Variants in STX19 observed in about 807,000 individuals in gnomAD.
STX19 encodes syntaxin 19.
A neutral mutation model predicts 24.3 loss-of-function variants in STX19; 26 were observed. The observed-to-expected ratio is 1.07, with a 90% CI of 0.78 to 1.48. The LOEUF is 1.48. Ranked by LOEUF, STX19 falls within the 40% of genes most tolerant of loss-of-function variation. The pLI is 0.00. For synonymous variants in STX19, 116 were observed against 106.9 expected, an observed-to-expected ratio of 1.09 and a Z score of -0.52; for missense variants, 367 against 331.9, an observed-to-expected ratio of 1.11 and a Z score of -0.82.
At chr3:94,022,012 TTAAAGACAGTCA>T (rs1247200858) in intron 1 of STX19, among the ~76,000 whole-genome samples, 5 of 152,344 alleles carry the variant, frequency 3.3e-5, no homozygotes, top group Non-Finnish European at 7.4e-5. Context: ...TCTCCATTCC[TTAAAGACAGTCA>T]TAAAGGCAGT....
Position 94,014,642 on chromosome 3 carries a change from A to C in STX19, c.628T>G (p.Ser210Ala). 1.2e-6 allele frequency: 2 copies of C among 1,613,638 alleles called. No individual in the cohort carries two copies. The highest frequency in any genetic ancestry group is 4.5e-5 in the East Asian group (2 of 44,850). ...TCCTTGTGTCTCTGTTCAATCTCTG[A>C]AAGTTGTGCTTTAGTGATATTGATT... The part of the protein sequence containing the change: ...TEINITKAQL[S>A]EIEQRHKELV... The change falls in exon 2 of 2, where the codon TCA becomes GCA. Residue 210 changes from serine (S) to alanine (A), a missense_variant. Transcript: ENST00000315099.
intron 1 of STX19, among the ~76,000 whole-genome samples, 165 bp from the exon 2 acceptor site, chr3:94,015,447 T>G (rs1377100776): frequency 6.6e-6 from 1 of 152,124 alleles, no homozygotes; most frequent in African/African-American, 2.4e-5. Flanking sequence ...TAAAAACCAT[T>G]TAAATAGGGA....
chr3:94,024,807 C>CT (rs1285087288), intron 1 of STX19, among the ~76,000 whole-genome samples: 1 of 152,048 alleles, frequency 6.6e-6, no homozygotes, highest in African/African-American at 2.4e-5. Flanking sequence ...AGGCTGATCT[C>CT]TAACTCCTGG....
intron 1 of STX19, among the ~76,000 whole-genome samples, chr3:94,018,434 C>T (rs1277565241): frequency 5.3e-5 from 8 of 151,880 alleles, no homozygotes; most frequent in Non-Finnish European, 1.0e-4. Flanking sequence ...TTTTTTTTCT[C>T]TTACCTTTTT....
Position 94,015,210 on chromosome 3 carries a change from GTC to G in STX19, c.58_59del (p.Asp20GlnfsTer22). 1 of 1,597,046 alleles carries G rather than the reference GTC, an allele frequency of 6.3e-7. No homozygotes were observed. Among genetic ancestry groups the G allele is most frequent in the Non-Finnish European group, 8.5e-7 (1 of 1,175,588 alleles). On this transcript the variant is annotated frameshift_variant, in exon 2 of 2. Coordinates refer to ENST00000315099, the MANE Select transcript of STX19 (RefSeq NM_001001850.3). LOFTEE classifies it high-confidence loss of function. ...CTGTTTCTGTAGTTGATACATGACT[GTC>G]TCTAGAGAGTTCAATTTCCTTTGTT... ...QRTKEIELSR[D>X]SHVSTTETEE...
At chr3:94,026,913 G>T (rs1268542646) in intron 1 of STX19, among the ~76,000 whole-genome samples, 1 of 152,098 alleles carries the variant, frequency 6.6e-6, no homozygotes, top group Non-Finnish European at 1.5e-5. Context: ...TGGACAACTT[G>T]TTCTGGGAAA....
chr3:94,025,080 G>A (rs1035486391), intron 1 of STX19, among the ~76,000 whole-genome samples: 1 of 152,068 alleles, frequency 6.6e-6, no homozygotes, highest in Non-Finnish European at 1.5e-5. Flanking sequence ...TTGGAAAGCA[G>A]GATATTTGAG....
At chr3:94,016,464 G>A (rs532531583) in intron 1 of STX19, among the ~76,000 whole-genome samples, 52 of 151,966 alleles carry the variant, frequency 3.4e-4, no homozygotes, top group Admixed American at 2.9e-3. Flanking sequence ...GTACAGGGTA[G>A]GGATTCAAAT....
At chr3:94,020,651 A>T (rs1014278425) in intron 1 of STX19, among the ~76,000 whole-genome samples, 3 of 152,180 alleles carry the variant, frequency 2.0e-5, no homozygotes, top group Non-Finnish European at 4.4e-5. Flanking sequence ...TATAGATATT[A>T]AAAGTTTATT....
intron 1 of STX19, among the ~76,000 whole-genome samples, chr3:94,017,141 A>G (rs2076350551): frequency 6.6e-6 from 1 of 152,218 alleles, no homozygotes; most frequent in South Asian, 2.1e-4. Context: ...TAGCATGGAA[A>G]GGATGAGATT....
chr3:94,026,920 G>A (rs1346687105), intron 1 of STX19, among the ~76,000 whole-genome samples: 1 of 152,048 alleles, frequency 6.6e-6, no homozygotes, highest in Non-Finnish European at 1.5e-5. Context: ...CTTGTTCTGG[G>A]AAATAGAAAA....
intron 1 of STX19, among the ~76,000 whole-genome samples, chr3:94,023,162 C>A (rs996944024): frequency 6.6e-6 from 1 of 152,026 alleles, no homozygotes; most frequent in Non-Finnish European, 1.5e-5. Flanking sequence ...ATTTTCATTA[C>A]TGAAAATATT....
chr3:94,024,583 G>C (rs1267362154), intron 1 of STX19, among the ~76,000 whole-genome samples: 1 of 151,958 alleles, frequency 6.6e-6, no homozygotes, highest in Non-Finnish European at 1.5e-5. Flanking sequence ...TTTTTTGGGC[G>C]TGTTGTTTTG....
At chr3:94,027,382 A>G (rs1418376695) in intron 1 of STX19, among the ~76,000 whole-genome samples, 1 of 152,028 alleles carries the variant, frequency 6.6e-6, no homozygotes, top group Non-Finnish European at 1.5e-5. Context: ...GCTTTTTTCT[A>G]CATTTTATTT....
intron 1 of STX19, among the ~76,000 whole-genome samples, chr3:94,025,859 C>G (rs1449495241): frequency 6.6e-6 from 1 of 152,132 alleles, no homozygotes; most frequent in Non-Finnish European, 1.5e-5. Flanking sequence ...TCCTAGTTAA[C>G]TGTTTCATCT....
intron 1 of STX19, among the ~76,000 whole-genome samples, chr3:94,023,684 T>A (rs973112728): frequency 1.3e-5 from 2 of 152,148 alleles, no homozygotes; most frequent in African/African-American, 4.8e-5. Flanking sequence ...TTTAGACATA[T>A]CTACTTGATT....
chr3:94,014,581 C>G lies in STX19; in HGVS notation c.689G>C (p.Arg230Thr). The G allele has an allele frequency of 2.5e-6, 4 of 1,612,350 alleles. No individual in the cohort carries two copies. The highest frequency in any genetic ancestry group is 3.4e-6 in the Non-Finnish European group (4 of 1,179,678). The change falls in exon 2 of 2, where the codon AGG becomes ACG. Residue 230 changes from arginine (R) to threonine (T), a missense_variant. Coordinates refer to ENST00000315099, the MANE Select transcript of STX19 (RefSeq NM_001001850.3). ...VNLENQIKDL[R>T]DLFIQISLLV... ...AAGAGATATCTGAATGAAAAGATCC[C>G]TTAAATCCTTTATTTGGTTCTCCAA...
At chr3:94,025,696 G>A (rs1345539385) in intron 1 of STX19, among the ~76,000 whole-genome samples, 1 of 152,116 alleles carries the variant, frequency 6.6e-6, no homozygotes, top group Non-Finnish European at 1.5e-5. Flanking sequence ...AACGCCCCAT[G>A]GAGTTTGCCC....
chr3:94,014,572 A>G lies in STX19; in HGVS notation c.698T>C (p.Phe233Ser). The change falls in exon 2 of 2, where the codon TTC (phenylalanine) becomes TCC (serine). Residue 233 changes from phenylalanine to serine, a missense_variant. By Grantham distance (155) the Phe-to-Ser change is radical. Coordinates refer to ENST00000315099, the MANE Select transcript of STX19 (RefSeq NM_001001850.3). ...CTCTACTAAAAGAGATATCTGAATG[A>G]AAAGATCCCTTAAATCCTTTATTTG... Reference protein sequence around the residue: ...ENQIKDLRDLFIQISLLVEEQ... With the variant: ...ENQIKDLRDLSIQISLLVEEQ... The G allele has an allele frequency of 1.9e-6, 3 of 1,611,984 alleles. No homozygotes were observed. The highest frequency in any genetic ancestry group is 2.5e-6 in the Non-Finnish European group (3 of 1,179,518).
Sources: allele counts gnomAD v4.1 joint callset (sites outside exome capture counted in the v4.1 genomes callset), GRCh38; gene constraint gnomAD v4.1.1; transcripts MANE v1.5; gene names NCBI Gene and HGNC (gene_info 2026-07-23, HGNC 2026-07-21).